Variants in ZNF507 observed in about 807,000 individuals in gnomAD.
The protein encoded by ZNF507 is zinc finger protein 507.
In ZNF507, 29 loss-of-function variants were observed where a neutral mutation model predicts 80.0. That is an observed-to-expected ratio of 0.36 (90% CI 0.27 to 0.49). The LOEUF (loss-of-function observed/expected upper bound fraction) is 0.49, where lower values mean the gene tolerates loss of function less well. Among genes scored for constraint, ZNF507 ranks in the 20% least tolerant of loss-of-function variants. ZNF507 has a pLI of 0.98. For missense variants in ZNF507, 1,081 were observed against 1,152.2 expected, an observed-to-expected ratio of 0.94 and a Z score of 0.90; for synonymous variants, 462 against 422.5, an observed-to-expected ratio of 1.09 and a Z score of -1.15.
intron 2 of ZNF507, among the ~76,000 whole-genome samples, chr19:32,347,838 G>C (rs1967115668): frequency 6.6e-6 from 1 of 152,144 alleles, no homozygotes; most frequent in Non-Finnish European, 1.5e-5. Context: ...CTTCATTGCA[G>C]CTGCCAAATT....
intron 4 of ZNF507, chr19:32,357,565 G>C (rs1006189301): frequency 3.9e-5 from 6 of 152,290 alleles, no homozygotes; most frequent in African/African-American, 1.4e-4. Flanking sequence ...ACTGATTCTA[G>C]AATGCTTCTG....
At chr19:32,379,055 C>G (rs1354298905) in intron 5 of ZNF507, among the ~76,000 whole-genome samples, 1 of 152,196 alleles carries the variant, frequency 6.6e-6, no homozygotes, top group Non-Finnish European at 1.5e-5. Flanking sequence ...CATCATGGTG[C>G]AGGGCAGTTG....
chr19:32,356,203 A>G (rs193192096), intron 3 of ZNF507, among the ~76,000 whole-genome samples: 1 of 152,334 alleles, frequency 6.6e-6, no homozygotes, highest in Non-Finnish European at 1.5e-5. Context: ...GAGCACTTCC[A>G]GTTAGATCTC....
At position 32,383,081 on chromosome 19, in the gene ZNF507, T is replaced by G; in HGVS notation, c.2860T>G (p.Ter954GluextTer3). The G allele has an allele frequency of 6.2e-7, 1 of 1,609,158 alleles. No individual in the cohort carries two copies. Among genetic ancestry groups the G allele is most frequent in the Non-Finnish European group, 8.5e-7 (1 of 1,176,146 alleles). The change falls in exon 7 of 7, where the codon TAG becomes GAG. Residue 954 changes from the stop codon to glutamate (E), a stop_lost. Coordinates refer to ENST00000355898, the MANE Select transcript of ZNF507 (RefSeq NM_001136156.2). ...KDHNTALNTN[*>E] ...CCACAATACAGCTCTAAACACAAAT[T>G]AGGTGGAATAATGACTCGAGCAGGA...
chr19:32,372,154 T>G (rs1255637035), intron 5 of ZNF507, among the ~76,000 whole-genome samples: 2 of 152,280 alleles, frequency 1.3e-5, no homozygotes, highest in East Asian at 3.9e-4. Flanking sequence ...ATTTTTAACT[T>G]GAGAAAATAC....
chr19:32,356,510 A>G (rs918229416), intron 3 of ZNF507, 106 bp from the exon 4 acceptor site: 1 of 701,710 alleles, frequency 1.4e-6, no homozygotes, highest in East Asian at 2.6e-5. Flanking sequence ...AAATATGGTA[A>G]TTCGTTGTAC....
At chr19:32,369,911 A>C (rs1408532063) in intron 5 of ZNF507, among the ~76,000 whole-genome samples, 1 of 148,470 alleles carries the variant, frequency 6.7e-6, no homozygotes, top group Admixed American at 6.7e-5. Flanking sequence ...CTCCCTCCCC[A>C]CCCCCAGCCC....
chr19:32,348,048 A>T (rs1200454166), intron 2 of ZNF507, among the ~76,000 whole-genome samples: 1 of 152,180 alleles, frequency 6.6e-6, no homozygotes, highest in Non-Finnish European at 1.5e-5. Context: ...AGGTAACTTT[A>T]TAGACAGTTT....
At position 32,354,103 on chromosome 19, in the gene ZNF507, G is replaced by T; in HGVS notation, c.1273G>T (p.Asp425Tyr). 1.2e-6 allele frequency: 2 copies of T among 1,613,724 alleles called. No homozygotes were observed. The highest frequency in any genetic ancestry group is 1.7e-6 in the Non-Finnish European group (2 of 1,180,014). The change falls in exon 3 of 7, where the codon GAC becomes TAC. Residue 425 changes from aspartate (D) to tyrosine (Y), a missense_variant. Transcript: ENST00000355898. ...GAACACTGAAATGGAAGAAGGGAAG[G>T]ACCTGAGCCTGACAGAAGCTCAGAT... ...LMNTEMEEGK[D>Y]LSLTEAQIGR...
intron 5 of ZNF507, among the ~76,000 whole-genome samples, chr19:32,371,823 T>G (rs1967477732): frequency 6.6e-6 from 1 of 151,852 alleles, no homozygotes; most frequent in Non-Finnish European, 1.5e-5. Flanking sequence ...ATATTTTTAG[T>G]AGAGACGGGG....
At chr19:32,369,826 A>C (rs1465179488) in intron 5 of ZNF507, among the ~76,000 whole-genome samples, 1 of 152,190 alleles carries the variant, frequency 6.6e-6, no homozygotes, top group Non-Finnish European at 1.5e-5. Flanking sequence ...TTTTGATTAC[A>C]GTCCTCATGC....
In ZNF507 at chr19:32,347,321, A is replaced by G. The variant is rs1967109429; in HGVS notation, c.-20A>G. The G allele has an allele frequency of 2.6e-5, 4 of 152,548 alleles. No individual in the cohort carries two copies. Among genetic ancestry groups the G allele is most frequent in the African/African-American group, 9.7e-5 (4 of 41,450 alleles). 9.4% of individuals were successfully genotyped at this position (152,548 alleles called of 1,614,324 possible). On this transcript the variant is annotated 5_prime_UTR_variant, in exon 2 of 7. Transcript: ENST00000355898. The stretch of plus-strand genomic sequence containing the variant: ...TGAAAGACACTGGCTCTGCCACTTA[A>G]CAGCCATGTAACCTTGGGTAAGTCA...
intron 5 of ZNF507, among the ~76,000 whole-genome samples, chr19:32,364,436 C>T (rs1029978056): frequency 5.3e-5 from 8 of 152,020 alleles, no homozygotes; most frequent in African/African-American, 7.2e-5. Context: ...CATCCATCAC[C>T]CGAGCAGTAT....
At position 32,354,695 on chromosome 19, in the gene ZNF507, A is replaced by G; in HGVS notation, c.1865A>G (p.Asp622Gly). 6.2e-7 allele frequency: 1 copy of G among 1,614,206 alleles called. No individual in the cohort carries two copies. The highest frequency in any genetic ancestry group is 1.1e-5 in the South Asian group (1 of 91,086). The change falls in exon 3 of 7, where the codon GAT becomes GGT. Residue 622 changes from aspartate to glycine, a missense_variant. Around this residue, in one of 6 missense-constraint regions of ZNF507, gnomAD observed 614 missense variants for 583.9 expected, o/e 1.05. Coordinates refer to ENST00000355898, the MANE Select transcript of ZNF507 (RefSeq NM_001136156.2). ...AACGCCCAGTGCCAACCCAACAGCG[A>G]TACAAGTTTGTCCGGAAACAATGTG... ...QDNAQCQPNS[D>G]TSLSGNNVVE...
intron 2 of ZNF507, among the ~76,000 whole-genome samples, chr19:32,352,084 A>C (rs923271660): frequency 6.6e-6 from 1 of 151,756 alleles, no homozygotes; most frequent in African/African-American, 2.4e-5. Context: ...AAAAAAAAAA[A>C]CCATATATGT....
rs1018631150 is a variant in ZNF507 at position 32,354,893 on chromosome 19, T to C, written c.2063T>C (p.Met688Thr). ...ADNSKDLESH[M>T]IHHCKTRIYQ... The stretch of plus-strand genomic sequence containing the variant: ...AACAGCAAAGATTTGGAGAGTCACA[T>C]GATCCACCACTGTAAGACAAGAATA... Residue 688 changes from methionine to threonine, a missense_variant, in exon 3 of 7, where the codon ATG becomes ACG. By Grantham distance (81) the Met-to-Thr change is moderately conservative (BLOSUM62 -1). This residue lies in a region of ZNF507 where 614 missense variants were observed against 583.9 expected (regional missense o/e 1.05). Coordinates refer to ENST00000355898, the MANE Select transcript of ZNF507 (RefSeq NM_001136156.2). 19 of 1,614,170 alleles carry C rather than the reference T, an allele frequency of 1.2e-5. No individual in the cohort carries two copies. The highest frequency in any genetic ancestry group is 1.5e-5 in the Non-Finnish European group (18 of 1,180,022).
chr19:32,353,960 T>A lies in ZNF507; in HGVS notation c.1130T>A (p.Leu377Gln), dbSNP rs749737590. Residue 377 changes from leucine (L) to glutamine (Q), a missense_variant, in exon 3 of 7, where the codon CTG (leucine) becomes CAG (glutamine). Physicochemically the swap from Leu to Gln is moderately radical, Grantham distance 113. Coordinates refer to ENST00000355898, the MANE Select transcript of ZNF507 (RefSeq NM_001136156.2). The part of the protein sequence containing the change: ...DAEENLIPDS[L>Q]LTSAQKIISS... ...GAGGAGAATCTGATTCCTGATAGCC[T>A]GCTTACATCAGCACAGAAAATCATC... 6.2e-7 allele frequency: 1 copy of A among 1,614,180 alleles called. No homozygotes were observed. The highest frequency in any genetic ancestry group is 2.2e-5 in the East Asian group (1 of 44,888).
At chr19:32,369,152 C>A (rs1187675192) in intron 5 of ZNF507, among the ~76,000 whole-genome samples, 4 of 152,182 alleles carry the variant, frequency 2.6e-5, no homozygotes, top group African/African-American at 9.7e-5. Context: ...AAAGTAGCTT[C>A]TTTGCATTGG....
intron 2 of ZNF507, among the ~76,000 whole-genome samples, chr19:32,351,200 C>T (rs1378931287): frequency 2.0e-5 from 3 of 151,974 alleles, no homozygotes; most frequent in Admixed American, 1.3e-4. Flanking sequence ...TTAGAGACAG[C>T]TAGTAGCCAA....
Sources: gnomAD v4.1 joint callset for allele counts (sites outside exome capture counted in the v4.1 genomes callset) on GRCh38, gnomAD v4.1.1 for gene constraint, gnomAD v4.1.1 regional missense constraint, MANE v1.5 for transcripts, NCBI Gene and HGNC (gene_info 2026-07-23, HGNC 2026-07-21) for gene names.